The following ABCB5 variants were observed in gnomAD, a reference collection of about 807,000 sequenced individuals.
The protein encoded by ABCB5 is ATP binding cassette subfamily B member 5.
A neutral mutation model predicts 144.2 loss-of-function variants in ABCB5; 155 were observed. The ratio of observed to expected loss-of-function variants is 1.08; its 90% CI spans 0.94 to 1.23. ABCB5 has a LOEUF of 1.23. ABCB5 is among the 50% of genes most tolerant of loss of function. The pLI is 0.00. For missense variants in ABCB5, 1,830 were observed against 1,520.8 expected (o/e 1.20, Z -3.38); for synonymous variants, 610 against 528.6 (o/e 1.15, Z -2.11).
At chr7:20,713,558 G>A (rs1220472660) in intron 20 of ABCB5, among the ~76,000 whole-genome samples, 1 of 149,712 alleles carries the variant, frequency 6.7e-6, no homozygotes, top group East Asian at 2.0e-4. Flanking sequence ...CTGACTGGAT[G>A]CTACACATTG....
rs533675376 is a variant in ABCB5 at position 20,639,811 on chromosome 7, A to G, written c.315-3373A>G. Among the ~76,000 whole-genome samples the G allele has an allele frequency of 9.8e-5, 15 of 152,318 alleles. No individual in the cohort carries two copies. In the South Asian group the frequency reaches 2.7e-3, roughly 27 times the overall value. ...TTCTCCAAATTTGTTCTTCTTTTTAAAAATTACTTTGGCTATTCTGAGTTC... is the reference window on the plus strand; with the variant it reads ...TTCTCCAAATTTGTTCTTCTTTTTAGAAATTACTTTGGCTATTCTGAGTTC... On this transcript the variant is annotated intron_variant, in intron 5 of 27. Coordinates refer to ENST00000404938, the MANE Select transcript of ABCB5 (RefSeq NM_001163941.2).
chr7:20,645,665 T>C (rs1784386549), intron 7 of ABCB5, 91 bp from the exon 8 acceptor site: 1 of 1,459,342 alleles, frequency 6.9e-7, no homozygotes, highest in East Asian at 2.3e-5. Context: ...ACCATTAGTC[T>C]ACTTAGAATT....
intron 1 of ABCB5, among the ~76,000 whole-genome samples, chr7:20,617,341 A>G (rs1377509756): frequency 6.6e-6 from 1 of 152,198 alleles, no homozygotes; most frequent in African/African-American, 2.4e-5. Flanking sequence ...GGCAAGGCCT[A>G]GGTAGGTGTC....
intron 20 of ABCB5, among the ~76,000 whole-genome samples, chr7:20,714,032 G>T (rs1446478289): frequency 6.6e-6 from 1 of 152,074 alleles, no homozygotes; most frequent in Non-Finnish European, 1.5e-5. Flanking sequence ...CAACCACAGG[G>T]GTCACCTTGT....
At chr7:20,620,654 T>C (rs1047622479) in intron 1 of ABCB5, among the ~76,000 whole-genome samples, 28 of 152,058 alleles carry the variant, frequency 1.8e-4, no homozygotes, top group Admixed American at 6.6e-4. Flanking sequence ...TCAACATCAC[T>C]AGTCATTAGG....
intron 19 of ABCB5, among the ~76,000 whole-genome samples, chr7:20,702,189 C>T (rs1396979362): frequency 2.0e-5 from 3 of 152,120 alleles, no homozygotes; most frequent in African/African-American, 7.2e-5. Flanking sequence ...CTGAATAATT[C>T]GTCGTTCATT....
chr7:20,693,667 A>G (rs1786308273), intron 16 of ABCB5, among the ~76,000 whole-genome samples: 1 of 152,070 alleles, frequency 6.6e-6, no homozygotes, highest in Admixed American at 6.6e-5. Context: ...TAATATACTA[A>G]GCTTCCACCT....
At chr7:20,656,260 A>G in intron 13 of ABCB5, among the ~76,000 whole-genome samples, 1 of 152,216 alleles carries the variant, frequency 6.6e-6, no homozygotes, top group Non-Finnish European at 1.5e-5. Flanking sequence ...ACTATAAAAA[A>G]AAGATAAACT....
intron 14 of ABCB5, among the ~76,000 whole-genome samples, chr7:20,680,306 C>T (rs1240794073): frequency 1.3e-5 from 2 of 152,034 alleles, no homozygotes; most frequent in African/African-American, 4.8e-5. Flanking sequence ...CGCCTGTAAT[C>T]CCAGCACTTT....
intron 14 of ABCB5, among the ~76,000 whole-genome samples, chr7:20,679,327 G>C (rs1226317652): frequency 2.0e-5 from 3 of 151,860 alleles, no homozygotes; most frequent in African/African-American, 7.3e-5. Flanking sequence ...AAATTAGCTG[G>C]GCATGGTGGC....
rs1782101450 is a variant in ABCB5 at position 20,728,312 on chromosome 7, C to T, written c.2727-3C>T. 6.2e-7 allele frequency: 1 copy of T among 1,613,066 alleles called. No individual in the cohort carries two copies. Among genetic ancestry groups the T allele is most frequent in the African/African-American group, 1.3e-5 (1 of 74,872 alleles). On this transcript the variant is annotated splice_region_variant and splice_polypyrimidine_tract_variant and intron_variant, in intron 22 of 27. Coordinates refer to ENST00000404938, the MANE Select transcript of ABCB5 (RefSeq NM_001163941.2). ...ATTATTTGGTAAATTTTGTACATTC[C>T]AGAAATACCTCGAAGAAAGCACAGA... is the stretch of plus-strand genomic sequence containing the variant.
intron 20 of ABCB5, among the ~76,000 whole-genome samples, chr7:20,710,282 G>A (rs1268027848): frequency 5.8e-5 from 8 of 136,884 alleles, no homozygotes; most frequent in South Asian, 2.4e-4. Context: ...CAGGAAAATC[G>A]TTTGAACCCG....
At chr7:20,661,534 C>CTCTTTTTTTTTTTTTTTTTTTT (rs1406657803) in intron 14 of ABCB5, among the ~76,000 whole-genome samples, 1 of 132,386 alleles carries the variant, frequency 7.6e-6, no homozygotes, top group African/African-American at 3.2e-5. Flanking sequence ...TCTTTCTTTT[C>CTCTTTTTTTTTTTTTTTTTTTT]TTTTTCTTTT....
chr7:20,690,142 TC>T (rs1309165176), intron 16 of ABCB5, among the ~76,000 whole-genome samples: 3 of 152,310 alleles, frequency 2.0e-5, no homozygotes, highest in East Asian at 1.9e-4. Flanking sequence ...CACAACTTTT[TC>T]CCCCCATTAA....
intron 1 of ABCB5, among the ~76,000 whole-genome samples, chr7:20,616,227 G>T (rs1783681106): frequency 6.6e-6 from 1 of 152,130 alleles, no homozygotes; most frequent in Admixed American, 6.6e-5. Context: ...GTAGAGATGG[G>T]GTTTCACCTT....
At chr7:20,726,427 G>GC (rs1347910668) in intron 21 of ABCB5, among the ~76,000 whole-genome samples, 1 of 138,774 alleles carries the variant, frequency 7.2e-6, no homozygotes, top group East Asian at 2.4e-4. Context: ...GAGTGCAGTG[G>GC]ATGATCTCAG....
intron 15 of ABCB5, among the ~76,000 whole-genome samples, chr7:20,682,553 T>C (rs890931627): frequency 3.9e-5 from 6 of 152,096 alleles, no homozygotes; most frequent in Admixed American, 1.3e-4. Context: ...GGAGGTAGCT[T>C]TCCTTAAGTA....
intron 26 of ABCB5, among the ~76,000 whole-genome samples, chr7:20,750,173 C>T (rs941014762): frequency 2.3e-4 from 35 of 152,054 alleles, no homozygotes; most frequent in African/African-American, 8.2e-4. Context: ...CAGTTCAGAG[C>T]TATTTCCAGG....
chr7:20,640,107 TA>T (rs1784261849), intron 5 of ABCB5, among the ~76,000 whole-genome samples: 1 of 152,140 alleles, frequency 6.6e-6, no homozygotes, highest in Non-Finnish European at 1.5e-5. Flanking sequence ...CCTACAGCAT[TA>T]AAAAAAATTC....
Sources: allele counts gnomAD v4.1 joint callset (sites outside exome capture counted in the v4.1 genomes callset), GRCh38; gene constraint gnomAD v4.1.1; transcripts MANE v1.5; gene names NCBI Gene and HGNC (gene_info 2026-07-23, HGNC 2026-07-21).